The following EPB41L3 variants were observed in gnomAD, a reference collection of about 807,000 sequenced individuals.
EPB41L3 encodes the protein erythrocyte membrane protein band 4.1 like 3, also known as band 4.1-like protein 3.
A neutral mutation model predicts 127.1 loss-of-function variants in EPB41L3; 57 were observed. The ratio of observed to expected loss-of-function variants is 0.45; its 90% CI spans 0.36 to 0.56. The LOEUF (loss-of-function observed/expected upper bound fraction) is 0.56, where lower values mean the gene tolerates loss of function less well. Ranked by LOEUF, EPB41L3 falls within the 20% of genes least tolerant of loss-of-function variation. The pLI is 0.00. For synonymous variants in EPB41L3, 572 were observed against 549.5 expected, an observed-to-expected ratio of 1.04 and a Z score of -0.57; for missense variants, 1,273 against 1,372.2, an observed-to-expected ratio of 0.93 and a Z score of 1.14.
At chr18:5,526,593 A>G (rs981087279) in intron 1 of EPB41L3, among the ~76,000 whole-genome samples, 6 of 152,232 alleles carry the variant, frequency 3.9e-5, no homozygotes, top group Non-Finnish European at 8.8e-5. Flanking sequence ...CCTAACATGT[A>G]GACAGATTCT....
Position 5,393,452 on chromosome 18 carries a change from T to A in EPB41L3, c.*33A>T. On this transcript the variant is annotated 3_prime_UTR_variant, in exon 23 of 23. Coordinates refer to ENST00000341928, the MANE Select transcript of EPB41L3 (RefSeq NM_012307.5). ...TGGTTTTCCTAACGGTTTGCATGAC[T>A]GCATTCATGTGCAAGCTAAGTTATT... 1 of 701,434 alleles carries A rather than the reference T, an allele frequency of 1.4e-6. No homozygotes were observed. The highest frequency in any genetic ancestry group is 2.6e-6 in the Non-Finnish European group (1 of 384,474). 43.5% of individuals were successfully genotyped at this position (701,434 alleles called of 1,614,324 possible). A position where few individuals can be genotyped will look rare whatever the true frequency, so the allele number is the denominator to read the frequency against.
At chr18:5,411,614 T>A (rs1034502374) in intron 13 of EPB41L3, among the ~76,000 whole-genome samples, 1 of 139,248 alleles carries the variant, frequency 7.2e-6, no homozygotes, top group Non-Finnish European at 1.5e-5. Flanking sequence ...TCCACAGATA[T>A]CAACTAATCA....
intron 3 of EPB41L3, among the ~76,000 whole-genome samples, chr18:5,566,764 A>C: frequency 7.0e-6 from 1 of 143,286 alleles, no homozygotes; most frequent in African/African-American, 2.6e-5. Flanking sequence ...ATTCTATTCT[A>C]TTCTATTCTA....
chr18:5,592,840 T>C (rs1199892318), intron 3 of EPB41L3, among the ~76,000 whole-genome samples: 1 of 152,218 alleles, frequency 6.6e-6, no homozygotes, highest in Admixed American at 6.5e-5. Flanking sequence ...TCTAGACAAG[T>C]GCTGTGTTAT....
At chr18:5,553,918 G>T (rs2093999059) in intron 3 of EPB41L3, among the ~76,000 whole-genome samples, 1 of 152,150 alleles carries the variant, frequency 6.6e-6, no homozygotes, top group South Asian at 2.1e-4. Context: ...CCACCGTTCT[G>T]AACATATCTG....
intron 3 of EPB41L3, among the ~76,000 whole-genome samples, chr18:5,586,962 G>T (rs1368613730): frequency 1.3e-5 from 2 of 152,024 alleles, no homozygotes; most frequent in African/African-American, 4.8e-5. Context: ...ACCTGTGCAT[G>T]AATAAGCAGT....
intron 3 of EPB41L3, among the ~76,000 whole-genome samples, chr18:5,469,716 T>C (rs1162164819): frequency 6.6e-6 from 1 of 151,882 alleles, no homozygotes; most frequent in Non-Finnish European, 1.5e-5. Context: ...AAAACACAAG[T>C]CCACGCTGGA....
intron 3 of EPB41L3, among the ~76,000 whole-genome samples, chr18:5,590,136 C>A (rs551125855): frequency 6.6e-6 from 1 of 152,110 alleles, no homozygotes; most frequent in African/African-American, 2.4e-5. Context: ...TCTTTTGAAG[C>A]GGCCTCTGAT....
At chr18:5,466,057 AT>A (rs929191570) in intron 3 of EPB41L3, among the ~76,000 whole-genome samples, 6 of 151,926 alleles carry the variant, frequency 3.9e-5, no homozygotes, top group Non-Finnish European at 8.8e-5. Context: ...TTTCATTATC[AT>A]TTTTTCCATT....
At chr18:5,465,634 AG>A (rs2084823463) in intron 3 of EPB41L3, among the ~76,000 whole-genome samples, 1 of 152,178 alleles carries the variant, frequency 6.6e-6, no homozygotes, top group East Asian at 1.9e-4. Flanking sequence ...GACCCAAAAA[AG>A]GTCCCTGGCA....
At chr18:5,487,202 T>C (rs116251727) in intron 2 of EPB41L3, among the ~76,000 whole-genome samples, 94 of 152,226 alleles carry the variant, frequency 6.2e-4, no homozygotes, top group African/African-American at 2.2e-3. Flanking sequence ...TACAGGCTGT[T>C]ACGTTAAGTG....
intron 1 of EPB41L3, among the ~76,000 whole-genome samples, chr18:5,619,016 T>C (rs2094830143): frequency 6.6e-6 from 1 of 152,224 alleles, no homozygotes; most frequent in Admixed American, 6.5e-5. Context: ...CCACTAAAAC[T>C]TTTTTGAAAA....
chr18:5,494,903 G>A (rs1320676837), intron 1 of EPB41L3, among the ~76,000 whole-genome samples: 1 of 152,140 alleles, frequency 6.6e-6, no homozygotes, highest in Non-Finnish European at 1.5e-5. Flanking sequence ...CCTCGCTAAG[G>A]AGACATCATC....
At chr18:5,492,395 C>A (rs2090709181) in intron 1 of EPB41L3, among the ~76,000 whole-genome samples, 1 of 145,204 alleles carries the variant, frequency 6.9e-6, no homozygotes, top group South Asian at 2.3e-4. Context: ...TGTTCTCCTT[C>A]ACTCTTAAAC....
chr18:5,406,921 A>G lies in EPB41L3; in HGVS notation c.2205T>C (p.Ile735=), dbSNP rs771280917. The G allele has an allele frequency of 2.6e-5, 42 of 1,614,084 alleles. No individual in the cohort carries two copies. Among genetic ancestry groups the G allele is most frequent in the Middle Eastern group, 1.6e-4 (1 of 6,084 alleles). ...QDDLMKHQTN[I]SELKRTFLET... The stretch of plus-strand genomic sequence containing the variant: ...CTAAGAAGGTTCTTTTCAGCTCGCT[A>G]ATGTTGGTTTGATGTTTCATCAGGT... The change falls in exon 16 of 23, where the codon ATT becomes ATC. Residue 735 remains isoleucine, a synonymous_variant. Coordinates refer to ENST00000341928, the MANE Select transcript of EPB41L3 (RefSeq NM_012307.5).
chr18:5,500,809 T>C (rs569237667), intron 1 of EPB41L3, among the ~76,000 whole-genome samples: 91 of 152,346 alleles, frequency 6.0e-4, no homozygotes, highest in Non-Finnish European at 1.0e-3. Flanking sequence ...CAGTACTTAT[T>C]TCTAGGAGCC....
intron 1 of EPB41L3, among the ~76,000 whole-genome samples, chr18:5,530,922 T>C (rs911631650): frequency 6.6e-6 from 1 of 152,170 alleles, no homozygotes; most frequent in African/African-American, 2.4e-5. Context: ...GCCTGGGTAG[T>C]GCTGGAAATA....
intron 1 of EPB41L3, chr18:5,540,697 T>C (rs147449569): frequency 9.2e-6 from 3 of 327,370 alleles, no homozygotes; most frequent in East Asian, 1.7e-4. Context: ...ATTTGATTCA[T>C]AGGTTTCAAT....
At chr18:5,448,581 CTA>C (rs2146483093) in intron 3 of EPB41L3, among the ~76,000 whole-genome samples, 1 of 152,170 alleles carries the variant, frequency 6.6e-6, no homozygotes, top group African/African-American at 2.4e-5. Flanking sequence ...ACATGCTATA[CTA>C]TGAGTCAAGA....
Sources: allele counts gnomAD v4.1 joint callset (sites outside exome capture counted in the v4.1 genomes callset), GRCh38; gene constraint gnomAD v4.1.1; transcripts MANE v1.5; gene names NCBI Gene and HGNC (gene_info 2026-07-23, HGNC 2026-07-21).